Variants in RBFOX2 observed in about 807,000 individuals in gnomAD.
The protein encoded by RBFOX2 is RNA binding protein fox-1 homolog 2.
RBFOX2 carries 10 observed loss-of-function variants against 49.1 expected under a neutral mutation model. That is an observed-to-expected ratio of 0.20 (90% confidence interval 0.13 to 0.35). The LOEUF is 0.35. Ranked by LOEUF, RBFOX2 falls within the 10% of genes least tolerant of loss-of-function variation. The probability of loss-of-function intolerance (pLI) is 1.00; values close to 1 mark genes in which losing one functional copy is unlikely to be tolerated. For missense variants in RBFOX2, 323 were observed against 486.9 expected (o/e 0.66, Z 3.17); for synonymous variants, 183 against 187.4 (o/e 0.98, Z 0.19).
At chr22:35,961,807 T>C, upstream of RBFOX2, 1 of 1,024,036 alleles carries the variant, frequency 9.8e-7, no homozygotes, top group Non-Finnish European at 1.3e-6. Context: ...TTTAGCTACT[T>C]GGGATTCAGA....
intron 1 of RBFOX2, among the ~76,000 whole-genome samples, chr22:35,901,822 CTATAATCCCA>C (rs1336892978): frequency 1.3e-5 from 2 of 152,062 alleles, no homozygotes; most frequent in African/African-American, 2.4e-5. Flanking sequence ...TGACTCACAC[CTATAATCCCA>C]GCAATTTGGG....
intron 1 of RBFOX2, among the ~76,000 whole-genome samples, chr22:35,849,864 G>C (rs766838334): frequency 6.6e-6 from 1 of 152,108 alleles, no homozygotes; most frequent in Non-Finnish European, 1.5e-5. Context: ...AAAAAGCTTT[G>C]AGTTACTAGT....
chr22:35,823,119 C>T (rs183418271), intron 1 of RBFOX2, among the ~76,000 whole-genome samples: 51 of 152,276 alleles, frequency 3.3e-4, no homozygotes, highest in African/African-American at 1.2e-3. Flanking sequence ...CCGCATCCGG[C>T]CTTGTTTTTC....
At chr22:35,752,651 C>T in intron 9 of RBFOX2, 1 of 983,834 alleles carries the variant, frequency 1.0e-6, no homozygotes, top group Non-Finnish European at 1.2e-6. Context: ...TCCTGTAAGA[C>T]TATTCTATAA....
Position 35,759,976 on chromosome 22 carries a change from A to G in RBFOX2, c.799T>C (p.Phe267Leu), listed in dbSNP as rs749310608. The change falls in exon 9 of 12, where the codon TTC becomes CTC. Residue 267 changes from phenylalanine (F) to leucine (L), a missense_variant. This residue lies in a region of RBFOX2 where 200 missense variants were observed against 370.0 expected (regional missense o/e 0.54). Coordinates refer to ENST00000405409, the Ensembl canonical transcript of RBFOX2. The surrounding 1 kb of genome is among the most constrained non-coding windows in gnomAD (Gnocchi z 4.6). ...CTGCCCCTCAAATGGGCTCCTCTGA[A>G]AGCGGCTGCCGTGGTGGCTGCAGTA... 1.2e-5 allele frequency: 19 copies of G among 1,613,862 alleles called. No individual in the cohort carries two copies. In the South Asian group the frequency reaches 2.1e-4, roughly 18 times the overall value.
exon 12 of RBFOX2, chr22:35,743,947 C>A (rs1601973285): frequency 3.3e-5 from 12 of 363,202 alleles, no homozygotes; most frequent in African/African-American, 4.4e-5. Flanking sequence ...TTTTTTTTAC[C>A]ACAGTTTAAA....
At chr22:35,746,322 GC>G in intron 10 of RBFOX2, 150 bp downstream of exon 12, 2 of 706,578 alleles carry the variant, frequency 2.8e-6, no homozygotes. Flanking sequence ...CATGACAGAG[GC>G]CATCAAGAGG....
chr22:35,757,165 A>C (rs1937217777), intron 9 of RBFOX2, among the ~76,000 whole-genome samples: 1 of 152,032 alleles, frequency 6.6e-6, no homozygotes, highest in South Asian at 2.1e-4. Context: ...TTAAGAATAG[A>C]AGGGTTTATT....
intron 1 of RBFOX2, among the ~76,000 whole-genome samples, chr22:35,976,413 T>G (rs1401532296): frequency 6.6e-6 from 1 of 151,714 alleles, no homozygotes; most frequent in Non-Finnish European, 1.5e-5. Context: ...GGAGAGATAA[T>G]TACACTTGAT....
At chr22:35,985,873 T>A (rs567044830) in intron 1 of RBFOX2, among the ~76,000 whole-genome samples, 2 of 150,620 alleles carry the variant, frequency 1.3e-5, no homozygotes, top group Non-Finnish European at 2.9e-5. Context: ...CAGGAAAGAC[T>A]CCATCTCTAG....
intron 1 of RBFOX2, among the ~76,000 whole-genome samples, chr22:35,974,597 G>C (rs999757118): frequency 6.6e-6 from 1 of 152,160 alleles, no homozygotes; most frequent in Non-Finnish European, 1.5e-5. Context: ...TGAGGCGGGA[G>C]AATCACTTGA....
At chr22:35,882,124 A>C (rs1430689794) in intron 1 of RBFOX2, among the ~76,000 whole-genome samples, 3 of 152,238 alleles carry the variant, frequency 2.0e-5, no homozygotes, top group Non-Finnish European at 4.4e-5. Flanking sequence ...AGAATCAAAA[A>C]AAGAGGTGAA....
intron 1 of RBFOX2, among the ~76,000 whole-genome samples, chr22:35,867,548 C>G (rs773971186): frequency 4.6e-5 from 7 of 152,150 alleles, no homozygotes; most frequent in Non-Finnish European, 1.0e-4. Context: ...CAGAAACCAC[C>G]TTGTAATAGC....
At chr22:35,813,740 T>C (rs969160606) in intron 1 of RBFOX2, among the ~76,000 whole-genome samples, 2 of 152,194 alleles carry the variant, frequency 1.3e-5, no homozygotes, top group Non-Finnish European at 2.9e-5. Context: ...ACATAATAAA[T>C]ATGAAGTGTT....
intron 2 of RBFOX2, among the ~76,000 whole-genome samples, chr22:35,794,913 T>C (rs1366366241): frequency 6.6e-6 from 1 of 152,076 alleles, no homozygotes; most frequent in Non-Finnish European, 1.5e-5. Flanking sequence ...GGTAAGTAAA[T>C]AAACCAAGGC....
At position 35,970,964 on chromosome 22, in the gene RBFOX2, C is replaced by A. The variant is rs1199693243; in HGVS notation, c.187-32067G>T. Reference sequence around the variant, plus strand: ...CAGGCATACCCTCAGTCTAACCAGGCAACCAAAATAGAAGCAAAATAGAAA... The same window carrying A: ...CAGGCATACCCTCAGTCTAACCAGGAAACCAAAATAGAAGCAAAATAGAAA... On this transcript the variant is annotated intron_variant, in intron 1 of 13. Transcript: ENST00000438146. Among the ~76,000 whole-genome samples the A allele has an allele frequency of 2.6e-5, 4 of 152,182 alleles. No homozygotes were observed. In the East Asian group the frequency reaches 5.8e-4, roughly 22 times the overall value.
intron 2 of RBFOX2, among the ~76,000 whole-genome samples, chr22:35,783,120 T>C (rs1945554641): frequency 6.6e-6 from 1 of 152,196 alleles, no homozygotes; most frequent in South Asian, 2.1e-4. Context: ...AACAACCTCT[T>C]TGAGCACTCT....
chr22:35,769,524 T>C (rs1942054985), intron 4 of RBFOX2, among the ~76,000 whole-genome samples: 1 of 152,194 alleles, frequency 6.6e-6, no homozygotes, highest in Non-Finnish European at 1.5e-5. Context: ...CTTATCGTTC[T>C]ACTCTGCAGC....
Position 35,749,725 on chromosome 22 carries a change from A to C in RBFOX2, c.888-3164T>G, listed in dbSNP as rs1934198946. Among the ~76,000 whole-genome samples the C allele has an allele frequency of 6.6e-6, 1 of 152,206 alleles. No homozygotes were observed. The highest frequency in any genetic ancestry group is 1.5e-5 in the Non-Finnish European group (1 of 68,030). On this transcript the variant is annotated intron_variant, in intron 9 of 11. Coordinates refer to ENST00000405409, the Ensembl canonical transcript of RBFOX2. This position sits in a 1 kb window ranked among gnomAD's most constrained non-coding sequence, Gnocchi z 4.1. ...AAGGCTTTTATAAAACATGAGAACA[A>C]AGTGCAGTTTGAAACACCAAGGTTT...
Sources: allele counts gnomAD v4.1 joint callset (sites outside exome capture counted in the v4.1 genomes callset), GRCh38; gene constraint gnomAD v4.1.1; regional missense constraint gnomAD v4.1.1; non-coding constraint Gnocchi (gnomAD v3.1); transcripts MANE v1.5; gene names NCBI Gene and HGNC (gene_info 2026-07-23, HGNC 2026-07-21).